The following TMEM98 variants were observed in gnomAD, a reference collection of about 807,000 sequenced individuals.
TMEM98 encodes the protein transmembrane protein 98.
TMEM98 carries 18 observed loss-of-function variants against 25.0 expected under a neutral mutation model. That is an observed-to-expected ratio of 0.72 (90% CI 0.50 to 1.07). The LOEUF (loss-of-function observed/expected upper bound fraction) is 1.07. Among genes scored for constraint, TMEM98 ranks in the 50% least tolerant of loss-of-function variants. TMEM98 has a pLI of 0.00. For missense variants in TMEM98, 241 were observed against 289.0 expected (o/e 0.83, Z 1.20); for synonymous variants, 103 against 112.4 (o/e 0.92, Z 0.53).
Position 32,939,525 on chromosome 17 carries a change from C to A in TMEM98, c.462C>A (p.Leu154=). The change falls in exon 7 of 8, where the codon CTC becomes CTA. Residue 154 remains leucine (L), a synonymous_variant. Coordinates refer to ENST00000579849, the MANE Select transcript of TMEM98 (RefSeq NM_015544.3). ...TGTACCCTCCGTTGGACCCCAAACT[C>A]CTGGACGCACGGTGAGACCAGGGGT... is the stretch of plus-strand genomic sequence containing the variant. ...KSMYPPLDPK[L]LDARTTALLL... is the part of the protein sequence containing the mutation. 1 of 1,614,114 alleles carries A rather than the reference C, an allele frequency of 6.2e-7. No homozygotes were observed. Among genetic ancestry groups the A allele is most frequent in the Non-Finnish European group, 8.5e-7 (1 of 1,179,984 alleles).
chr17:32,930,413 G>T (rs1454722875), intron 1 of TMEM98, among the ~76,000 whole-genome samples: 3 of 152,160 alleles, frequency 2.0e-5, no homozygotes, highest in South Asian at 4.2e-4. Flanking sequence ...ACAAATGCAC[G>T]GACTTCTTTC....
rs1008100548 is a variant in TMEM98, at chr17:32,931,301, A to G, written c.-130-26A>G. 1.7e-5 allele frequency: 8 copies of G among 458,742 alleles called. No individual in the cohort carries two copies. In the Admixed American group the frequency reaches 2.8e-4, roughly 16 times the overall value. The allele number at this position is 458,742 out of a possible 1,614,324, so 28.4% of individuals were successfully genotyped here. On this transcript the variant is annotated intron_variant, in intron 1 of 7. Coordinates refer to ENST00000579849, the MANE Select transcript of TMEM98 (RefSeq NM_015544.3). ...GGAAAAGGCAAATTTGGGGCATGGC[A>G]TAAATTTTACCTTGGTTCTCTTCAG...
intron 3 of TMEM98, among the ~76,000 whole-genome samples, chr17:32,932,094 ATTTTTTTTTTTT>A (rs774760952): frequency 8.4e-6 from 1 of 118,992 alleles, no homozygotes; most frequent in East Asian, 2.3e-4. Flanking sequence ...TGCACAGCAG[ATTTTTTTTTTTT>A]TTTTTTTTTT....
rs543181125 is a variant in TMEM98 at position 32,931,969 on chromosome 17, A to G, written c.131+310A>G. On this transcript the variant is annotated intron_variant, in intron 3 of 7. Coordinates refer to ENST00000579849, the MANE Select transcript of TMEM98 (RefSeq NM_015544.3). ...CTCACTTAGCATTTGGATAAGCCAA[A>G]TCACTTTCCAGCCAGACCCACAGGA... 2.0e-5 allele frequency among the ~76,000 whole-genome samples: 3 copies of G among 152,290 alleles called. No individual in the cohort carries two copies. In the South Asian group the frequency reaches 6.2e-4, roughly 32 times the overall value.
chr17:32,940,828 G>A lies in TMEM98; in HGVS notation c.516G>A (p.Val172=). The A allele has an allele frequency of 6.2e-7, 1 of 1,614,174 alleles. No individual in the cohort carries two copies. Among genetic ancestry groups the A allele is most frequent in the South Asian group, 1.1e-5 (1 of 91,082 alleles). Residue 172 remains valine (V), a synonymous_variant, in exon 8 of 8, where the codon GTG becomes GTA. Coordinates refer to ENST00000579849, the MANE Select transcript of TMEM98 (RefSeq NM_015544.3). ...TGTCTGTCAGTCACCTGGTGCTGGTGACAAGGAATGCCTGCCATCTGACGG... is the reference window on the plus strand; with the variant it reads ...TGTCTGTCAGTCACCTGGTGCTGGTAACAAGGAATGCCTGCCATCTGACGG... The part of the protein sequence containing the change: ...LLLSVSHLVL[V]TRNACHLTGG...
chr17:32,936,754 C>G (rs1019444133), intron 6 of TMEM98, among the ~76,000 whole-genome samples: 23 of 152,180 alleles, frequency 1.5e-4, no homozygotes, highest in African/African-American at 5.5e-4. Context: ...GCCCCTCTTA[C>G]CCAGCCACAT....
At chr17:32,936,266 G>A (rs912065960) in intron 5 of TMEM98, 66 bp from the exon 6 acceptor site, 22 of 1,309,152 alleles carry the variant, frequency 1.7e-5, no homozygotes, top group East Asian at 4.6e-5. Context: ...GATTTGTCTC[G>A]TGGGGGTGGC....
At chr17:32,939,338 T>C (rs1598204197) in intron 6 of TMEM98, 139 bp from the exon 7 acceptor site, 1 of 750,342 alleles carries the variant, frequency 1.3e-6, no homozygotes, top group Admixed American at 2.7e-5. Context: ...GCCTGGGAGG[T>C]GGATGTTGCA....
Position 32,935,481 on chromosome 17 carries a change from G to A in TMEM98, c.298-851G>A, listed in dbSNP as rs139817531. ...GAATTGGAATCTGTGTCTACCCGGC[G>A]AACCTCTGATCAAAGGAGAGGGCTT... On this transcript the variant is annotated intron_variant, in intron 5 of 7. Coordinates refer to ENST00000579849, the MANE Select transcript of TMEM98 (RefSeq NM_015544.3). Among the ~76,000 whole-genome samples, 57 of 152,212 alleles carry A rather than the reference G, an allele frequency of 3.7e-4. No homozygotes were observed. In the East Asian group the frequency reaches 9.3e-3, roughly 25 times the overall value.
In TMEM98 at chr17:32,939,520, A is replaced by C. The variant is rs769184089; in HGVS notation, c.457A>C (p.Lys153Gln). 6.2e-7 allele frequency: 1 copy of C among 1,614,092 alleles called. No individual in the cohort carries two copies. ...VKSMYPPLDP[K>Q]LLDARTTALL... ...GTCGATGTACCCTCCGTTGGACCCC[A>C]AACTCCTGGACGCACGGTGAGACCA... The change falls in exon 7 of 8, where the codon AAA becomes CAA. Residue 153 changes from lysine (K) to glutamine (Q), a missense_variant. Coordinates refer to ENST00000579849, the MANE Select transcript of TMEM98 (RefSeq NM_015544.3).
intron 1 of TMEM98, among the ~76,000 whole-genome samples, chr17:32,930,038 A>C (rs2091458516): frequency 2.0e-5 from 3 of 152,122 alleles, no homozygotes; most frequent in Non-Finnish European, 4.4e-5. Context: ...ATGGTGACCG[A>C]GAGCGTTTGG....
rs974346779 is a variant in TMEM98 at position 32,942,483 on chromosome 17, A to C, written c.*1490A>C. 1.3e-5 allele frequency: 2 copies of C among 152,232 alleles called. No individual in the cohort carries two copies. The highest frequency in any genetic ancestry group is 4.8e-5 in the African/African-American group (2 of 41,462). 9.4% of individuals were successfully genotyped at this position (152,232 alleles called of 1,614,324 possible). A position where few individuals can be genotyped will look rare whatever the true frequency, so the allele number is the denominator to read the frequency against. On this transcript the variant is annotated 3_prime_UTR_variant, in exon 8 of 8. Coordinates refer to ENST00000579849, the MANE Select transcript of TMEM98 (RefSeq NM_015544.3). ...CTCAGCTGGATTCTGGGGAACCAGG[A>C]ACCCATATTCCCAAATCCAAGATTG...
At position 32,929,406 on chromosome 17, in the gene TMEM98, CGGGGGAGG is replaced by C. The variant is rs1481019137; in HGVS notation, c.-131+1172_-131+1179del. Among the ~76,000 whole-genome samples the C allele has an allele frequency of 4.0e-4, 61 of 152,010 alleles. 1 individual carries two copies. The highest frequency in any genetic ancestry group is 4.0e-3 in the Admixed American group (61 of 15,266). Reference sequence around the variant, plus strand: ...TGGGTGGTCTTGGAGGCCTGGGGACCGGGGGAGGGGAAGGAGAGACACTGAGAAGCGGG... The same window carrying C: ...TGGGTGGTCTTGGAGGCCTGGGGACCGGAAGGAGAGACACTGAGAAGCGGG... On this transcript the variant is annotated intron_variant, in intron 1 of 7. Transcript: ENST00000579849.
Position 32,933,204 on chromosome 17 carries a change from G to A in TMEM98, c.162G>A (p.Glu54=). The A allele has an allele frequency of 6.2e-7, 1 of 1,614,178 alleles. No individual in the cohort carries two copies. The highest frequency in any genetic ancestry group is 8.5e-7 in the Non-Finnish European group (1 of 1,180,010). Residue 54 remains glutamate (E), a synonymous_variant, in exon 4 of 8, where the codon GAG becomes GAA. Coordinates refer to ENST00000579849, the MANE Select transcript of TMEM98 (RefSeq NM_015544.3). ...TTGTGGACCTCATTGGTGCCATGGA[G>A]ACCCAGTCTGAGCCCTCTGAGTTAG... ...KPIVDLIGAM[E]TQSEPSELEL...
Position 32,941,007 on chromosome 17 carries a change from G to T in TMEM98, c.*14G>T. On this transcript the variant is annotated 3_prime_UTR_variant, in exon 8 of 8. Coordinates refer to ENST00000579849, the MANE Select transcript of TMEM98 (RefSeq NM_015544.3). ...TCTGCAATTTAGTGCCTACAGGCCA[G>T]CAGCTAGCCATGAAGGCCCCTGCCG... 2.5e-6 allele frequency: 4 copies of T among 1,582,848 alleles called. No homozygotes were observed. The highest frequency in any genetic ancestry group is 3.4e-6 in the Non-Finnish European group (4 of 1,162,772).
chr17:32,933,399 C>A, intron 4 of TMEM98, 94 bp downstream of exon 4: 1 of 1,536,144 alleles, frequency 6.5e-7, no homozygotes, highest in Non-Finnish European at 8.9e-7. Flanking sequence ...CATTCAAGAA[C>A]AGTCACTCTG....
At chr17:32,930,151 G>GA (rs1187569086) in intron 1 of TMEM98, among the ~76,000 whole-genome samples, 4 of 151,964 alleles carry the variant, frequency 2.6e-5, no homozygotes, top group Admixed American at 1.3e-4. Flanking sequence ...TTCACGTGGG[G>GA]AAATTAAAGC....
At chr17:32,932,907 A>G (rs1279664880) in intron 3 of TMEM98, among the ~76,000 whole-genome samples, 4 of 152,060 alleles carry the variant, frequency 2.6e-5, no homozygotes, top group Non-Finnish European at 5.9e-5. Flanking sequence ...GTTATACCCT[A>G]CTCTTTCTCT....
In TMEM98 at chr17:32,941,231, A is replaced by G. The variant is rs1173729104; in HGVS notation, c.*238A>G. On this transcript the variant is annotated 3_prime_UTR_variant, in exon 8 of 8. Coordinates refer to ENST00000579849, the MANE Select transcript of TMEM98 (RefSeq NM_015544.3). The stretch of plus-strand genomic sequence containing the variant: ...GGGGAGATGCCATTCACTCTCTGCA[A>G]GAGGAGTATTGAAAACTGGTGGACT... The G allele has an allele frequency of 1.5e-5, 6 of 398,062 alleles. No homozygotes were observed. The highest frequency in any genetic ancestry group is 4.1e-5 in the Admixed American group (1 of 24,308). 24.7% of individuals were successfully genotyped at this position (398,062 alleles called of 1,614,324 possible).
Sources: gnomAD v4.1 joint callset for allele counts (sites outside exome capture counted in the v4.1 genomes callset) on GRCh38, gnomAD v4.1.1 for gene constraint, MANE v1.5 for transcripts, NCBI Gene and HGNC (gene_info 2026-07-23, HGNC 2026-07-21) for gene names.